The following DYM variants were observed in gnomAD, a reference collection of about 807,000 sequenced individuals.
DYM encodes dyggve-Melchior-Clausen syndrome protein.
In DYM, 78 loss-of-function variants were observed where a neutral mutation model predicts 93.1. The observed-to-expected ratio is 0.84, with a 90% CI of 0.70 to 1.01. The LOEUF (loss-of-function observed/expected upper bound fraction) is 1.01, where lower values mean the gene tolerates loss of function less well. Among genes scored for constraint, DYM ranks in the 50% least tolerant of loss-of-function variants. The pLI, the probability that DYM is intolerant of heterozygous loss-of-function variation, is 0.00. For missense variants in DYM, 789 were observed against 845.0 expected, an observed-to-expected ratio of 0.93 and a Z score of 0.82; for synonymous variants, 321 against 319.7, an observed-to-expected ratio of 1.00 and a Z score of -0.04.
At chr18:49,067,146 G>A (rs1326613285) in intron 17 of DYM, among the ~76,000 whole-genome samples, 9 of 95,484 alleles carry the variant, frequency 9.4e-5, no homozygotes, top group South Asian at 3.5e-4. Context: ...GGTTCAGTAG[G>A]GGAAGGAGTG....
intron 11 of DYM, among the ~76,000 whole-genome samples, chr18:49,264,767 T>C (rs2094543639): frequency 6.6e-6 from 1 of 152,228 alleles, no homozygotes; most frequent in South Asian, 2.1e-4. Context: ...TCTCTAGACA[T>C]GGTAATAGGT....
chr18:49,120,078 C>CAA (rs71165367), intron 15 of DYM, among the ~76,000 whole-genome samples: 2,284 of 56,034 alleles, frequency 0.041, 63 homozygotes, highest in South Asian at 0.091. Context: ...GATCCTGTCT[C>CAA]AAAAAAAAAA....
In DYM at chr18:49,131,466, C is replaced by G. The variant is rs879649942; in HGVS notation, c.1729-12540G>C. ...TCTTGAACTCCTGAGCTCAGGCAAT[C>G]CACTCGCTTTGGCCTCCCAAAGTGC... On this transcript the variant is annotated intron_variant, in intron 15 of 17. Transcript: ENST00000675505. Among the ~76,000 whole-genome samples the G allele has an allele frequency of 5.9e-5, 9 of 152,240 alleles. 1 individual carries two copies. The highest frequency in any genetic ancestry group is 5.9e-4 in the Admixed American group (9 of 15,280).
At chr18:49,225,463 A>C (rs2093495563) in intron 13 of DYM, among the ~76,000 whole-genome samples, 1 of 152,122 alleles carries the variant, frequency 6.6e-6, no homozygotes, top group East Asian at 1.9e-4. Flanking sequence ...AATATATTGA[A>C]GGGAACAATC....
At chr18:49,224,873 T>C (rs1183605792) in intron 13 of DYM, among the ~76,000 whole-genome samples, 1 of 152,082 alleles carries the variant, frequency 6.6e-6, no homozygotes, top group African/African-American at 2.4e-5. Flanking sequence ...ACTTCAAATC[T>C]AGATAAACTT....
intron 8 of DYM, among the ~76,000 whole-genome samples, chr18:49,293,270 T>C (rs1217047825): frequency 2.0e-5 from 3 of 152,220 alleles, no homozygotes; most frequent in East Asian, 1.9e-4. Flanking sequence ...ATGTGAATAG[T>C]GCTGCAGTAA....
chr18:49,141,944 C>T (rs1479192490), intron 15 of DYM, among the ~76,000 whole-genome samples: 2 of 152,092 alleles, frequency 1.3e-5, no homozygotes, highest in African/African-American at 4.8e-5. Context: ...AGCTCTGCCC[C>T]CCGGGTTCAT....
At chr18:49,155,337 CT>C (rs769202076) in intron 15 of DYM, among the ~76,000 whole-genome samples, 2 of 152,312 alleles carry the variant, frequency 1.3e-5, no homozygotes, top group East Asian at 3.9e-4. Flanking sequence ...AAATAGCTCT[CT>C]TTTTCCCCCC....
rs1860658598 is a variant in DYM at position 49,205,867 on chromosome 18, G to C, written c.1625+3684C>G. 1.9e-5 allele frequency: 3 copies of C among 159,198 alleles called. No homozygotes were observed. The Admixed American group carries it at 1.9e-4, about 10-fold the overall frequency. 9.9% of individuals were successfully genotyped at this position (159,198 alleles called of 1,614,324 possible). A position where few individuals can be genotyped will look rare whatever the true frequency, so the allele number is the denominator to read the frequency against. ...CAGCAAGAGCTTTACTGCCTTCTGAGGTAAGCAGCACACAGAAGTGCTCTC... is the reference window on the plus strand; with the variant it reads ...CAGCAAGAGCTTTACTGCCTTCTGACGTAAGCAGCACACAGAAGTGCTCTC... On this transcript the variant is annotated intron_variant, in intron 14 of 17. Coordinates refer to ENST00000675505, the MANE Select transcript of DYM (RefSeq NM_001353214.3).
At chr18:49,122,598 T>C (rs933326127) in intron 15 of DYM, among the ~76,000 whole-genome samples, 4 of 152,170 alleles carry the variant, frequency 2.6e-5, no homozygotes, top group African/African-American at 7.2e-5. Context: ...TTATAGTGAG[T>C]TGTATAATTA....
At chr18:49,283,809 C>T (rs2095050137) in intron 9 of DYM, among the ~76,000 whole-genome samples, 1 of 152,136 alleles carries the variant, frequency 6.6e-6, no homozygotes, top group African/African-American at 2.4e-5. Flanking sequence ...ACAATCCTTG[C>T]CTCTCAGATT....
intron 15 of DYM, among the ~76,000 whole-genome samples, chr18:49,128,029 G>A (rs529159548): frequency 3.9e-5 from 6 of 152,326 alleles, no homozygotes; most frequent in South Asian, 2.1e-4. Flanking sequence ...CTGGAAAGTC[G>A]TTCTTTAACA....
At chr18:49,356,314 G>C (rs1383128133) in intron 6 of DYM, among the ~76,000 whole-genome samples, 1 of 152,098 alleles carries the variant, frequency 6.6e-6, no homozygotes, top group African/African-American at 2.4e-5. Flanking sequence ...TTCTCTGAAG[G>C]CACCAGACAT....
At chr18:49,268,498 T>C (rs373879422) in intron 11 of DYM, among the ~76,000 whole-genome samples, 2 of 152,210 alleles carry the variant, frequency 1.3e-5, no homozygotes, top group Non-Finnish European at 2.9e-5. Flanking sequence ...AACTTGAAAG[T>C]GTTTTAATTA....
Position 49,320,907 on chromosome 18 carries a change from G to A in DYM, c.763+10957C>T, listed in dbSNP as rs577905845. Among the ~76,000 whole-genome samples, 4 of 152,258 alleles carry A rather than the reference G, an allele frequency of 2.6e-5. No individual in the cohort carries two copies. The South Asian group carries it at 8.3e-4, about 32-fold the overall frequency. On this transcript the variant is annotated intron_variant, in intron 8 of 17. Coordinates refer to ENST00000675505, the MANE Select transcript of DYM (RefSeq NM_001353214.3). ...AAAACTACACAAGCTATAGTTTGAG[G>A]ATTTTTCCTACCATACACAAATTCT...
chr18:49,120,812 G>A (rs1415515763), intron 15 of DYM, among the ~76,000 whole-genome samples: 1 of 152,020 alleles, frequency 6.6e-6, no homozygotes, highest in Non-Finnish European at 1.5e-5. Context: ...ATTTACCTCT[G>A]TCTTTCTTAA....
At chr18:49,371,764 G>A (rs1263635179) in intron 5 of DYM, among the ~76,000 whole-genome samples, 4 of 152,104 alleles carry the variant, frequency 2.6e-5, no homozygotes, top group Non-Finnish European at 5.9e-5. Context: ...ATTCTCAAAC[G>A]CATGGACTAA....
chr18:49,360,038 A>G (rs1003141859), intron 6 of DYM, among the ~76,000 whole-genome samples: 4 of 152,234 alleles, frequency 2.6e-5, no homozygotes, highest in Non-Finnish European at 5.9e-5. Context: ...CTGAGTGTAC[A>G]TAATAGGAGA....
At chr18:49,395,639 AAAG>A (rs1202842807) in intron 2 of DYM, among the ~76,000 whole-genome samples, 1 of 152,174 alleles carries the variant, frequency 6.6e-6, no homozygotes, top group Non-Finnish European at 1.5e-5. Flanking sequence ...AAAAAAAAAA[AAAG>A]AAGACATACA....
Sources: allele counts gnomAD v4.1 joint callset (sites outside exome capture counted in the v4.1 genomes callset), GRCh38; gene constraint gnomAD v4.1.1; transcripts MANE v1.5; gene names NCBI Gene and HGNC (gene_info 2026-07-23, HGNC 2026-07-21).